The following MYO1G variants were observed in gnomAD, a reference collection of about 807,000 sequenced individuals.
MYO1G encodes the protein myosin IG, also known as unconventional myosin-Ig.
A neutral mutation model predicts 115.3 loss-of-function variants in MYO1G; 65 were observed. The observed-to-expected ratio is 0.56, with a 90% CI of 0.46 to 0.69. The LOEUF is 0.69. Ranked by LOEUF, MYO1G falls within the 30% of genes least tolerant of loss-of-function variation. The pLI, the probability that MYO1G is intolerant of heterozygous loss-of-function variation, is 0.00. For synonymous variants in MYO1G, 510 were observed against 552.6 expected (o/e 0.92, Z 1.08); for missense variants, 1,204 against 1,393.5 (o/e 0.86, Z 2.16).
chr7:44,976,682 G>A, intron 2 of MYO1G, 25 bp from the exon 3 acceptor site: 2 of 1,613,620 alleles, frequency 1.2e-6, no homozygotes, highest in South Asian at 1.1e-5. Flanking sequence ...AGAGTTGAGA[G>A]AATCAGCCAG....
At chr7:44,965,566 C>T in intron 17 of MYO1G, 71 bp downstream of exon 17, 1 of 1,440,016 alleles carries the variant, frequency 6.9e-7, no homozygotes, top group South Asian at 1.2e-5. Flanking sequence ...GCACTGCAGG[C>T]CCGGGATGAT....
chr7:44,967,368 C>T (rs775925934), intron 14 of MYO1G, among the ~76,000 whole-genome samples: 10 of 152,282 alleles, frequency 6.6e-5, no homozygotes, highest in East Asian at 3.9e-4. Flanking sequence ...GACAATGGGG[C>T]GAGGAGAAGC....
chr7:44,977,222 G>C (rs964686338), intron 1 of MYO1G, 151 bp from the exon 2 acceptor site: 1 of 708,726 alleles, frequency 1.4e-6, no homozygotes, highest in African/African-American at 1.8e-5. Context: ...GGCAGGTGTT[G>C]ACCTTGCGTC....
In MYO1G at chr7:44,969,797, C is replaced by T; in HGVS notation, c.1411G>A (p.Ala471Thr). The change falls in exon 11 of 22, where the codon GCC (alanine) becomes ACC (threonine). Residue 471 changes from alanine to threonine, a missense_variant. Physicochemically the swap from Ala to Thr is moderately conservative, Grantham distance 58. Transcript: ENST00000258787. This position sits in a 1 kb window ranked among gnomAD's most constrained non-coding sequence, Gnocchi z 5.0. ...HRGILAVLDE[A>T]CSSAGTITDR... ...GTGATGGTGCCAGCAGAGCTGCAGG[C>T]CTCGTCCAGCACGGCCAGGATGCCA... 1.2e-6 allele frequency: 2 copies of T among 1,613,124 alleles called. No homozygotes were observed. The highest frequency in any genetic ancestry group is 1.7e-6 in the Non-Finnish European group (2 of 1,179,932).
Position 44,966,362 on chromosome 7 carries a change from A to T in MYO1G, c.1950-82T>A. The stretch of plus-strand genomic sequence containing the variant: ...CACCCTGCCCACCCCACACCTGGGG[A>T]GATGGCAGGGATACAGAGTGTGTTC... On this transcript the variant is annotated intron_variant, in intron 15 of 21. Coordinates refer to ENST00000258787, the MANE Select transcript of MYO1G (RefSeq NM_033054.3). This position sits in a 1 kb window ranked among gnomAD's most constrained non-coding sequence, Gnocchi z 5.0. 8.0e-7 allele frequency: 1 copy of T among 1,244,262 alleles called. No homozygotes were observed. Among genetic ancestry groups the T allele is most frequent in the Non-Finnish European group, 1.1e-6 (1 of 881,072 alleles). The allele number at this position is 1,244,262 out of a possible 1,614,324, so 77.1% of individuals were successfully genotyped here.
Position 44,975,476 on chromosome 7 carries a change from C to G in MYO1G, c.564+8G>C. The G allele has an allele frequency of 6.2e-7, 1 of 1,603,728 alleles. No individual in the cohort carries two copies. The highest frequency in any genetic ancestry group is 1.1e-5 in the South Asian group (1 of 89,706). ...CCCCATGGAGGTCTCCTCAGCCCACCTGCCCACCTTCTCCAGTAGGTAGCT... is the reference window on the plus strand; with the variant it reads ...CCCCATGGAGGTCTCCTCAGCCCACGTGCCCACCTTCTCCAGTAGGTAGCT... On this transcript the variant is annotated splice_region_variant and intron_variant, in intron 4 of 21. Transcript: ENST00000258787.
chr7:44,978,741 TG>T, intron 1 of MYO1G, 125 bp downstream of exon 1: 3 of 817,352 alleles, frequency 3.7e-6, no homozygotes, highest in Non-Finnish European at 4.0e-6. Context: ...CTGGTCTGGG[TG>T]GGTGTGTGCC....
chr7:44,975,028 G>A lies in MYO1G; in HGVS notation c.618+146C>T, dbSNP rs1583795333. 6 of 685,274 alleles carry A rather than the reference G, an allele frequency of 8.8e-6. No individual in the cohort carries two copies. The East Asian group carries it at 9.7e-5, about 11-fold the overall frequency. The allele number at this position is 685,274 out of a possible 1,614,324, so 42.4% of individuals were successfully genotyped here. ...GGGTACTGGTTGGGGTGAGTGTGGT[G>A]GGGAGTGAGGACGATGGGCTAGGTG... On this transcript the variant is annotated intron_variant, in intron 5 of 21. Coordinates refer to ENST00000258787, the MANE Select transcript of MYO1G (RefSeq NM_033054.3).
rs754614401 is a variant in MYO1G, at chr7:44,966,848, C to G, written c.1783-10G>C. Reference sequence around the variant, plus strand: ...GGACGTAGAAGGGCTCCTGCAGGGACAGAGGGGACTTGGAGAGGGTCTGCG... The same window carrying G: ...GGACGTAGAAGGGCTCCTGCAGGGAGAGAGGGGACTTGGAGAGGGTCTGCG... On this transcript the variant is annotated splice_polypyrimidine_tract_variant and intron_variant, in intron 14 of 21. Coordinates refer to ENST00000258787, the MANE Select transcript of MYO1G (RefSeq NM_033054.3). This position sits in a 1 kb window ranked among gnomAD's most constrained non-coding sequence, Gnocchi z 5.0. 1.3e-6 allele frequency: 2 copies of G among 1,596,058 alleles called. No individual in the cohort carries two copies. Among genetic ancestry groups the G allele is most frequent in the Non-Finnish European group, 1.7e-6 (2 of 1,169,908 alleles).
chr7:44,969,740 G>T lies in MYO1G; in HGVS notation c.1468C>A (p.His490Asn). ...DRIFLQTLDM[H>N]HRHHLHYTSR... ...GTGTAGTGTAGGTGATGGCGGTGGT[G>T]CATGTCCAGGGTCTGCAGGAAGATT... is the stretch of plus-strand genomic sequence containing the variant. Residue 490 changes from histidine (H) to asparagine (N), a missense_variant, in exon 11 of 22, where the codon CAC becomes AAC. Coordinates refer to ENST00000258787, the MANE Select transcript of MYO1G (RefSeq NM_033054.3). This position sits in a 1 kb window ranked among gnomAD's most constrained non-coding sequence, Gnocchi z 5.0. The T allele has an allele frequency of 1.2e-6, 2 of 1,610,842 alleles. No individual in the cohort carries two copies.
chr7:44,963,827 G>A lies in MYO1G; in HGVS notation c.2745+222C>T, dbSNP rs1794791361. ...TTGGCTAGAGTGTGAGAGTGGGGGT[G>A]GGGGGTGACTGGGCTGGTGGGGATC... On this transcript the variant is annotated intron_variant, in intron 20 of 21. Coordinates refer to ENST00000258787, the MANE Select transcript of MYO1G (RefSeq NM_033054.3). The surrounding 1 kb of genome is among the most constrained non-coding windows in gnomAD (Gnocchi z 4.1). 1.8e-6 allele frequency: 1 copy of A among 547,406 alleles called. No homozygotes were observed. The highest frequency in any genetic ancestry group is 3.3e-6 in the Non-Finnish European group (1 of 302,988). 33.9% of individuals were successfully genotyped at this position (547,406 alleles called of 1,614,324 possible).
chr7:44,977,453 G>GAGA (rs61586583), intron 1 of MYO1G, among the ~76,000 whole-genome samples: 28,638 of 152,106 alleles, frequency 0.19, 3,011 homozygotes, highest in Non-Finnish European at 0.21. Context: ...AGATGGGGTT[G>GAGA]AGAAGTGACT....
At chr7:44,970,769 C>A (rs760417658) in intron 8 of MYO1G, 32 bp from the exon 9 acceptor site, 20 of 1,613,574 alleles carry the variant, frequency 1.2e-5, no homozygotes, top group Non-Finnish European at 1.3e-5. Flanking sequence ...CTTCCTGCTG[C>A]CTCTGGCCTG....
intron 1 of MYO1G, among the ~76,000 whole-genome samples, chr7:44,977,946 CA>C (rs1359845758): frequency 2.0e-5 from 3 of 152,220 alleles, no homozygotes; most frequent in African/African-American, 7.2e-5. Flanking sequence ...CCCACGTCTC[CA>C]GGGCTCAGTG....
At chr7:44,977,159 C>T in intron 1 of MYO1G, 88 bp from the exon 2 acceptor site, 1 of 1,280,794 alleles carries the variant, frequency 7.8e-7, no homozygotes. Context: ...GGCCTGGCCC[C>T]AGTAGGCCAG....
At position 44,963,211 on chromosome 7, in the gene MYO1G, C is replaced by G; in HGVS notation, c.2746-87G>C. On this transcript the variant is annotated intron_variant, in intron 20 of 21. Transcript: ENST00000258787. This position sits in a 1 kb window ranked among gnomAD's most constrained non-coding sequence, Gnocchi z 4.1. ...CACCCCCTCCCCAGGAAGCCTCTGC[C>G]GAACCCCCAACCGCACCCGGGGAGC... 7.3e-7 allele frequency: 1 copy of G among 1,368,502 alleles called. No individual in the cohort carries two copies. The highest frequency in any genetic ancestry group is 1.6e-5 in the South Asian group (1 of 61,318). The allele number at this position is 1,368,502 out of a possible 1,614,324, so 84.8% of individuals were successfully genotyped here. A position where few individuals can be genotyped will look rare whatever the true frequency, so the allele number is the denominator to read the frequency against.
At chr7:44,974,044 C>T (rs1795005910) in intron 5 of MYO1G, 1 of 151,630 alleles carries the variant, frequency 6.6e-6, no homozygotes, top group African/African-American at 2.4e-5. Context: ...CAGTGAGCTC[C>T]CACCTCAGTG....
At chr7:44,965,540 T>C in intron 17 of MYO1G, 97 bp downstream of exon 17, 1 of 1,153,362 alleles carries the variant, frequency 8.7e-7, no homozygotes, top group Admixed American at 1.8e-5. Context: ...AGGGGGCTGG[T>C]GTATCTCCCA....
At chr7:44,968,059 TC>T (rs1287552503) in intron 12 of MYO1G, 101 bp from the exon 13 acceptor site, 12 of 934,972 alleles carry the variant, frequency 1.3e-5, no homozygotes, top group Middle Eastern at 2.1e-4. Flanking sequence ...CTGCCTCTGT[TC>T]CCATAGGTCA....
Sources: gnomAD v4.1 joint callset for allele counts (sites outside exome capture counted in the v4.1 genomes callset) on GRCh38, gnomAD v4.1.1 for gene constraint, Gnocchi (gnomAD v3.1) non-coding constraint, MANE v1.5 for transcripts, NCBI Gene and HGNC (gene_info 2026-07-23, HGNC 2026-07-21) for gene names.